The following ERC2 variants were observed in gnomAD, a reference collection of about 807,000 sequenced individuals.
ERC2 encodes ELKS/RAB6-interacting/CAST family member 2.
ERC2 carries 42 observed loss-of-function variants against 114.8 expected under a neutral mutation model. The observed-to-expected ratio is 0.37, with a 90% CI of 0.29 to 0.47. The LOEUF is 0.47. Ranked by LOEUF, ERC2 falls within the 20% of genes least tolerant of loss-of-function variation. ERC2 has a pLI of 0.99. For synonymous variants in ERC2, 454 were observed against 425.5 expected (o/e 1.07, Z -0.82); for missense variants, 939 against 1,150.7 (o/e 0.82, Z 2.66).
chr3:55,978,282 T>C (rs750801209), intron 12 of ERC2, among the ~76,000 whole-genome samples: 1 of 152,158 alleles, frequency 6.6e-6, no homozygotes, highest in Non-Finnish European at 1.5e-5. Context: ...CAAACAAGGA[T>C]TGTATGAATT....
intron 17 of ERC2, among the ~76,000 whole-genome samples, chr3:55,629,399 T>C (rs2059653447): frequency 6.6e-6 from 1 of 152,228 alleles, no homozygotes; most frequent in Non-Finnish European, 1.5e-5. Flanking sequence ...ATAAAACACA[T>C]TGAAACTTAC....
chr3:56,169,048 A>C (rs1286083151), intron 4 of ERC2, among the ~76,000 whole-genome samples: 1 of 152,214 alleles, frequency 6.6e-6, no homozygotes, highest in Non-Finnish European at 1.5e-5. Flanking sequence ...TGGAAAGCTA[A>C]ATACCCACAA....
intron 2 of ERC2, chr3:56,434,090 C>T: frequency 2.1e-6 from 1 of 475,932 alleles, no homozygotes; most frequent in Non-Finnish European, 3.7e-6. Context: ...AAAAGTTAGG[C>T]AATGACAAGT....
intron 3 of ERC2, among the ~76,000 whole-genome samples, chr3:56,259,646 T>TA (rs58912781): frequency 0.018 from 2,228 of 123,134 alleles, 75 homozygotes; most frequent in East Asian, 0.16. Flanking sequence ...CTGGTACAGA[T>TA]TTGATATGAT....
chr3:55,769,044 A>C (rs186064017), intron 14 of ERC2, among the ~76,000 whole-genome samples: 1 of 152,084 alleles, frequency 6.6e-6, no homozygotes, highest in Non-Finnish European at 1.5e-5. Flanking sequence ...TGAAATTTTA[A>C]CATCTATGAT....
intron 1 of ERC2, among the ~76,000 whole-genome samples, chr3:56,447,392 G>A (rs1442983177): frequency 1.3e-5 from 2 of 152,238 alleles, no homozygotes; most frequent in South Asian, 2.1e-4. Context: ...TCGCTCTGGG[G>A]CTGTGTAAGC....
chr3:55,665,286 G>T (rs815474), intron 17 of ERC2, among the ~76,000 whole-genome samples: 143,487 of 152,312 alleles, frequency 0.94, 67,634 homozygotes, highest in East Asian at 1. Context: ...CAGCCATTCC[G>T]CAAGGAATTT....
chr3:56,229,057 G>A (rs930156815), intron 3 of ERC2, among the ~76,000 whole-genome samples: 3 of 151,784 alleles, frequency 2.0e-5, no homozygotes, highest in Non-Finnish European at 2.9e-5. Flanking sequence ...AGAACTTCAC[G>A]TACTTTGTTA....
chr3:56,012,752 G>A (rs1442652520), intron 8 of ERC2, among the ~76,000 whole-genome samples: 1 of 152,234 alleles, frequency 6.6e-6, no homozygotes, highest in African/African-American at 2.4e-5. Flanking sequence ...ATATTTCTCC[G>A]TCAATCACAA....
chr3:56,157,652 C>A (rs2081809559), intron 4 of ERC2, among the ~76,000 whole-genome samples: 1 of 152,096 alleles, frequency 6.6e-6, no homozygotes, highest in Non-Finnish European at 1.5e-5. Context: ...CTTCCCGTTC[C>A]TTTTAACCCA....
chr3:56,009,446 C>A (rs1353030711), intron 9 of ERC2, among the ~76,000 whole-genome samples: 1 of 152,158 alleles, frequency 6.6e-6, no homozygotes, highest in African/African-American at 2.4e-5. Flanking sequence ...CCATTCTTTT[C>A]CTTCTTCATC....
chr3:55,886,376 G>A (rs778451907), intron 14 of ERC2, among the ~76,000 whole-genome samples: 17 of 151,976 alleles, frequency 1.1e-4, no homozygotes, highest in Non-Finnish European at 1.9e-4. Flanking sequence ...AAATGAAGGT[G>A]GAAGCATATG....
rs1047859285 is a variant in ERC2, at chr3:55,757,921, T to C, written c.2565-23003A>G. ...CTCTTGGAAAAAAAATTCTATCAAA[T>C]CAAGATAAATATCATATATATATAT... On this transcript the variant is annotated intron_variant, in intron 14 of 17. Coordinates refer to ENST00000288221, the MANE Select transcript of ERC2 (RefSeq NM_015576.3). Among the ~76,000 whole-genome samples, 7 of 152,126 alleles carry C rather than the reference T, an allele frequency of 4.6e-5. No individual in the cohort carries two copies. In the South Asian group the frequency reaches 8.3e-4, roughly 18 times the overall value.
intron 14 of ERC2, among the ~76,000 whole-genome samples, chr3:55,762,419 A>T (rs1158216789): frequency 6.6e-6 from 1 of 152,228 alleles, no homozygotes; most frequent in Non-Finnish European, 1.5e-5. Context: ...AGCCACTGAA[A>T]ATCAATATTT....
intron 14 of ERC2, among the ~76,000 whole-genome samples, chr3:55,837,308 T>C (rs1312644754): frequency 1.3e-5 from 2 of 152,196 alleles, no homozygotes; most frequent in African/African-American, 2.4e-5. Flanking sequence ...TGCACATGTA[T>C]GTTTATTGCA....
chr3:55,528,499 C>A (rs1385576543), intron 17 of ERC2, among the ~76,000 whole-genome samples: 1 of 152,064 alleles, frequency 6.6e-6, no homozygotes, highest in African/African-American at 2.4e-5. Context: ...GTGCTGGGCA[C>A]TGAGCCAGGG....
intron 3 of ERC2, among the ~76,000 whole-genome samples, chr3:56,198,747 G>C (rs1466664041): frequency 1.3e-5 from 2 of 152,214 alleles, no homozygotes; most frequent in Non-Finnish European, 2.9e-5. Context: ...GCGTGGACTG[G>C]AGGTAAGGAA....
At chr3:56,305,512 C>CACACA (rs2056162094) in intron 2 of ERC2, among the ~76,000 whole-genome samples, 93 of 144,440 alleles carry the variant, frequency 6.4e-4, no homozygotes, top group African/African-American at 1.7e-3. Flanking sequence ...ACTCTCTTAT[C>CACACA]CACACACACA....
chr3:55,669,508 C>T (rs544117748), intron 17 of ERC2, among the ~76,000 whole-genome samples: 1 of 152,310 alleles, frequency 6.6e-6, no homozygotes, highest in African/African-American at 2.4e-5. Context: ...AGACAACTTT[C>T]ACATTTTCTT....
Sources: gnomAD v4.1 joint callset for allele counts (sites outside exome capture counted in the v4.1 genomes callset) on GRCh38, gnomAD v4.1.1 for gene constraint, MANE v1.5 for transcripts, NCBI Gene and HGNC (gene_info 2026-07-23, HGNC 2026-07-21) for gene names.